The following DPYD variants were observed in gnomAD, a reference collection of about 807,000 sequenced individuals.
DPYD encodes the protein dihydropyrimidine dehydrogenase.
DPYD carries 109 observed loss-of-function variants against 116.2 expected under a neutral mutation model. The observed-to-expected ratio is 0.94, with a 90% CI of 0.80 to 1.10. The LOEUF is 1.10. DPYD is among the 50% of genes least tolerant of loss of function. The pLI is 0.00. For missense variants in DPYD, 1,302 were observed against 1,254.5 expected, an observed-to-expected ratio of 1.04 and a Z score of -0.57; for synonymous variants, 440 against 432.0, an observed-to-expected ratio of 1.02 and a Z score of -0.23.
intron 13 of DPYD, among the ~76,000 whole-genome samples, chr1:97,490,626 T>C (rs1010897529): frequency 6.6e-6 from 1 of 150,748 alleles, no homozygotes; most frequent in African/African-American, 2.4e-5. Flanking sequence ...AAAGAAAAAA[T>C]AGAAACACAA....
chr1:97,177,835 C>A (rs182984010), intron 20 of DPYD, among the ~76,000 whole-genome samples: 4 of 152,056 alleles, frequency 2.6e-5, no homozygotes, highest in African/African-American at 4.8e-5. Context: ...AAACAACATA[C>A]ATTTATTTCT....
At chr1:97,583,028 G>T (rs1653802848) in intron 10 of DPYD, among the ~76,000 whole-genome samples, 1 of 152,084 alleles carries the variant, frequency 6.6e-6, no homozygotes, top group African/African-American at 2.4e-5. Context: ...GAGTGCAGGG[G>T]TGTGATCTCC....
At chr1:97,474,964 T>C (rs1265925120) in intron 13 of DPYD, among the ~76,000 whole-genome samples, 2 of 151,862 alleles carry the variant, frequency 1.3e-5, no homozygotes, top group African/African-American at 4.8e-5. Flanking sequence ...GTTAAGAAAA[T>C]GTAAAAAGAA....
intron 20 of DPYD, among the ~76,000 whole-genome samples, chr1:97,099,148 C>T (rs1168807921): frequency 1.3e-5 from 2 of 152,040 alleles, no homozygotes; most frequent in East Asian, 3.9e-4. Context: ...CTTACTACAT[C>T]TCTTTAAAGA....
At position 97,203,672 on chromosome 1, in the gene DPYD, CCCA is replaced by C. The variant is rs1190772136; in HGVS notation, c.2443-10427_2443-10425del. ...AAAGGATGAGTTCAGACCCCCCCCC[CCCA>C]AAAAAAAAAAAAGAGAAAAAGTCTA... On this transcript the variant is annotated intron_variant, in intron 19 of 22. Transcript: ENST00000370192. Among the ~76,000 whole-genome samples, 209 of 57,934 alleles carry C rather than the reference CCCA, an allele frequency of 3.6e-3. 13 individuals are homozygous for C. The highest frequency in any genetic ancestry group is 8.2e-3 in the South Asian group (8 of 972). 38.0% of individuals were successfully genotyped at this position (57,934 alleles called of 152,430 possible).
chr1:97,315,297 G>C (rs141570595), intron 16 of DPYD, among the ~76,000 whole-genome samples: 28 of 151,924 alleles, frequency 1.8e-4, no homozygotes, highest in African/African-American at 5.3e-4. Context: ...TCCTTTCAGG[G>C]AGACCCCAGT....
intron 3 of DPYD, among the ~76,000 whole-genome samples, chr1:97,771,676 A>T (rs1666150108): frequency 6.6e-6 from 1 of 152,300 alleles, no homozygotes; most frequent in Admixed American, 6.5e-5. Flanking sequence ...AAAACTAATT[A>T]TATAACCCAT....
chr1:97,674,792 C>T (rs764167661), intron 8 of DPYD, among the ~76,000 whole-genome samples: 2 of 152,128 alleles, frequency 1.3e-5, no homozygotes, highest in African/African-American at 2.4e-5. Flanking sequence ...CCAACCTAAA[C>T]AACGAATTCA....
intron 8 of DPYD, among the ~76,000 whole-genome samples, chr1:97,654,660 G>C (rs1658794733): frequency 6.6e-6 from 1 of 151,834 alleles, no homozygotes; most frequent in African/African-American, 2.4e-5. Flanking sequence ...CTATTTGTCA[G>C]AAATGTCCTT....
chr1:97,362,672 T>G (rs1557658315), intron 16 of DPYD, among the ~76,000 whole-genome samples: 1 of 152,142 alleles, frequency 6.6e-6, no homozygotes, highest in African/African-American at 2.4e-5. Context: ...ATCTGATCTT[T>G]GACAAACCTG....
intron 18 of DPYD, among the ~76,000 whole-genome samples, chr1:97,299,018 G>A (rs192768957): frequency 1.1e-3 from 160 of 152,122 alleles, no homozygotes; most frequent in South Asian, 1.9e-3. Flanking sequence ...TCTCTGCAAG[G>A]CTTCCTTAAT....
intron 20 of DPYD, among the ~76,000 whole-genome samples, chr1:97,142,463 G>T (rs901302565): frequency 6.6e-6 from 1 of 151,990 alleles, no homozygotes; most frequent in African/African-American, 2.4e-5. Flanking sequence ...CCAAAGAAGA[G>T]AAATGAAAAG....
intron 18 of DPYD, among the ~76,000 whole-genome samples, chr1:97,290,766 A>C (rs1179482571): frequency 1.3e-5 from 2 of 152,124 alleles, no homozygotes; most frequent in Admixed American, 1.3e-4. Flanking sequence ...CATTCAGGAC[A>C]TAGGCATGGG....
At position 97,382,461 on chromosome 1, in the gene DPYD, T is replaced by C; in HGVS notation, c.1906A>G (p.Ile636Val). ...CTGCACATAATGCTAGCAATCACAA[T>C]CTTTAAAAAGAAAAACAAAAGAATA... is the stretch of plus-strand genomic sequence containing the variant. ...TELKADFPDN[I>V]VIASIMCSYN... The change falls in exon 15 of 23, where the codon ATT becomes GTT. Residue 636 changes from isoleucine (I) to valine (V), a missense_variant and splice_region_variant. Transcript: ENST00000370192. The C allele has an allele frequency of 2.5e-6, 4 of 1,579,088 alleles. No homozygotes were observed. The highest frequency in any genetic ancestry group is 3.4e-6 in the Non-Finnish European group (4 of 1,162,698).
At chr1:97,079,980 A>C (rs1649043286) in intron 22 of DPYD, among the ~76,000 whole-genome samples, 1 of 152,076 alleles carries the variant, frequency 6.6e-6, no homozygotes, top group African/African-American at 2.4e-5. Flanking sequence ...TTTTTAAAAA[A>C]AGATATGATG....
At chr1:97,110,381 C>G (rs1651504640) in intron 20 of DPYD, among the ~76,000 whole-genome samples, 1 of 152,064 alleles carries the variant, frequency 6.6e-6, no homozygotes, top group South Asian at 2.1e-4. Flanking sequence ...TCTTCCACTA[C>G]TAAGAGAGGT....
At chr1:97,851,255 T>C (rs1670553827) in intron 2 of DPYD, among the ~76,000 whole-genome samples, 1 of 150,652 alleles carries the variant, frequency 6.6e-6, no homozygotes, top group South Asian at 2.1e-4. Flanking sequence ...TTACCATATA[T>C]ATATATATAT....
At chr1:97,167,671 C>T (rs941042023) in intron 20 of DPYD, among the ~76,000 whole-genome samples, 1 of 152,128 alleles carries the variant, frequency 6.6e-6, no homozygotes, top group African/African-American at 2.4e-5. Context: ...TCATTTAAAA[C>T]AGCATATTCA....
At chr1:97,487,865 A>T (rs1028636303) in intron 13 of DPYD, among the ~76,000 whole-genome samples, 1 of 152,254 alleles carries the variant, frequency 6.6e-6, no homozygotes, top group Non-Finnish European at 1.5e-5. Context: ...ACAGTTTGGC[A>T]CTTTTTAATC....
Sources: gnomAD v4.1 joint callset for allele counts (sites outside exome capture counted in the v4.1 genomes callset) on GRCh38, gnomAD v4.1.1 for gene constraint, MANE v1.5 for transcripts, NCBI Gene and HGNC (gene_info 2026-07-23, HGNC 2026-07-21) for gene names.